The following HAUS6 variants were observed in gnomAD, a reference collection of about 807,000 sequenced individuals.
The protein encoded by HAUS6 is HAUS augmin like complex subunit 6.
HAUS6 carries 80 observed loss-of-function variants against 106.8 expected under a neutral mutation model. The observed-to-expected ratio is 0.75, with a 90% CI of 0.63 to 0.90. The LOEUF is 0.90. HAUS6 is among the 40% of genes least tolerant of loss of function. The pLI, the probability that HAUS6 is intolerant of heterozygous loss-of-function variation, is 0.00. For synonymous variants in HAUS6, 356 were observed against 379.1 expected (o/e 0.94, Z 0.71); for missense variants, 1,155 against 1,118.1 (o/e 1.03, Z -0.47).
chr9:19,093,246 C>G lies in HAUS6; in HGVS notation c.361G>C (p.Gly121Arg). 6.2e-7 allele frequency: 1 copy of G among 1,609,854 alleles called. No homozygotes were observed. Among genetic ancestry groups the G allele is most frequent in the Non-Finnish European group, 8.5e-7 (1 of 1,177,224 alleles). The part of the protein sequence containing the change: ...VVGSLFLSPG[G>R]PKFIHLMYHF... ...TACATCAGATGAATAAACTTAGGAC[C>G]ACCAGGAGAAAGAAATAGTGAACCA... Residue 121 changes from glycine to arginine, a missense_variant, in exon 4 of 17, where the codon GGT (glycine) becomes CGT (arginine). Transcript: ENST00000380502.
At chr9:19,066,826 T>C (rs1836768799) in intron 12 of HAUS6, among the ~76,000 whole-genome samples, 2 of 107,566 alleles carry the variant, frequency 1.9e-5, no homozygotes, top group Admixed American at 1.0e-4. Context: ...AGACCTCATC[T>C]CTACAAAAAA....
At chr9:19,090,768 A>G (rs1412864784) in intron 4 of HAUS6, among the ~76,000 whole-genome samples, 1 of 152,230 alleles carries the variant, frequency 6.6e-6, no homozygotes, top group Non-Finnish European at 1.5e-5. Flanking sequence ...TAAGACCAAT[A>G]GGACAGGATA....
rs142463837 is a variant in HAUS6 at position 19,087,634 on chromosome 9, G to A, written c.585-478C>T. On this transcript the variant is annotated intron_variant, in intron 5 of 16. Coordinates refer to ENST00000380502, the MANE Select transcript of HAUS6 (RefSeq NM_017645.5). ...TTTTGGGAGGCTGAGGCAGGAATGT[G>A]GCTTCAGGCCAGGAGTTTGAGACCA... is the stretch of plus-strand genomic sequence containing the variant. Among the ~76,000 whole-genome samples the A allele has an allele frequency of 2.4e-3, 369 of 151,750 alleles. 1 individual carries two copies. Among genetic ancestry groups the A allele is most frequent in the African/African-American group, 8.6e-3 (355 of 41,396 alleles).
rs41269011 is a variant in HAUS6, at chr9:19,093,289, A to G, written c.318T>C (p.Ser106=). Residue 106 remains serine, a synonymous_variant, in exon 4 of 17, where the codon AGT becomes AGC. Transcript: ENST00000380502. The part of the protein sequence containing the change: ...WIKRISGECG[S]SFPQVVGSLF... ...GTGAACCAACAACTTGAGGAAAGCT[A>G]CTTCCACATTCACCCTATGAAGAAA... The G allele has an allele frequency of 0.14, 222,993 of 1,602,644 alleles. 15,931 individuals are homozygous for G. The highest frequency in any genetic ancestry group is 0.19 in the Admixed American group (10,976 of 58,050).
intron 11 of HAUS6, 140 bp downstream of exon 11, chr9:19,076,462 G>A (rs1440707583): frequency 1.5e-6 from 1 of 652,462 alleles, no homozygotes. Context: ...AACTGAAATT[G>A]TGAATTTTAT....
chr9:19,062,605 T>C (rs754960828), intron 14 of HAUS6, among the ~76,000 whole-genome samples: 4 of 152,174 alleles, frequency 2.6e-5, no homozygotes, highest in Non-Finnish European at 5.9e-5. Context: ...TTACCCGAGG[T>C]AATCAATAAT....
chr9:19,067,476 C>T lies in HAUS6; in HGVS notation c.1376+2743G>A, dbSNP rs557381031. Among the ~76,000 whole-genome samples, 5 of 152,252 alleles carry T rather than the reference C, an allele frequency of 3.3e-5. No homozygotes were observed. In the South Asian group the frequency reaches 1.0e-3, roughly 32 times the overall value. ...CTCACCACCAGGCCTTCCCCTACCT[C>T]CCTTCAGTATTTCAAATCTATAATT... On this transcript the variant is annotated intron_variant, in intron 12 of 16. Coordinates refer to ENST00000380502, the MANE Select transcript of HAUS6 (RefSeq NM_017645.5).
chr9:19,065,741 T>C (rs1426330987), intron 12 of HAUS6, among the ~76,000 whole-genome samples: 1 of 151,864 alleles, frequency 6.6e-6, no homozygotes, highest in African/African-American at 2.4e-5. Flanking sequence ...CTCGGGAGGC[T>C]GAAGCAAGAG....
intron 5 of HAUS6, among the ~76,000 whole-genome samples, chr9:19,087,973 A>G (rs1261300647): frequency 2.0e-5 from 3 of 152,174 alleles, no homozygotes; most frequent in African/African-American, 7.2e-5. Context: ...TATCTGACAC[A>G]TAGAAGAAAC....
chr9:19,080,666 T>C lies in HAUS6; in HGVS notation c.877A>G (p.Ile293Val), dbSNP rs771245869. 4 of 1,598,606 alleles carry C rather than the reference T, an allele frequency of 2.5e-6. No homozygotes were observed. The highest frequency in any genetic ancestry group is 2.2e-5 in the East Asian group (1 of 44,750). Reference protein sequence around the residue: ...KIEKQMFQLHIGNVYEAGKLN... With the variant: ...KIEKQMFQLHVGNVYEAGKLN... ...TTTCCAGCCTCATAAACATTTCCTA[T>C]GTGCAACTAAGGAATCAGGAGGAGA... Residue 293 changes from isoleucine (I) to valine (V), a missense_variant, in exon 9 of 17, where the codon ATA becomes GTA. Ile to Val is a conservative substitution (Grantham distance 29). Transcript: ENST00000380502.
intron 1 of HAUS6, among the ~76,000 whole-genome samples, chr9:19,100,062 G>A (rs140313322): frequency 0.013 from 1,950 of 152,354 alleles, 31 homozygotes; most frequent in African/African-American, 0.037. Context: ...AGGCGTGGTG[G>A]CAGGCGCCTG....
rs1836407697 is a variant in HAUS6, at chr9:19,053,678, CAA to C, written c.*2663_*2664del. 6.6e-6 allele frequency: 1 copy of C among 152,130 alleles called. No individual in the cohort carries two copies. The highest frequency in any genetic ancestry group is 6.6e-5 in the Admixed American group (1 of 15,264). 9.4% of individuals were successfully genotyped at this position (152,130 alleles called of 1,614,324 possible). On this transcript the variant is annotated 3_prime_UTR_variant, in exon 17 of 17. Coordinates refer to ENST00000380502, the MANE Select transcript of HAUS6 (RefSeq NM_017645.5). ...TCAGTTTATATACCTTTGTATCTTA[CAA>C]ATAGTAAAACAAAGTACATTCTATA...
intron 7 of HAUS6, among the ~76,000 whole-genome samples, chr9:19,085,767 C>T (rs1479772562): frequency 6.6e-6 from 1 of 152,118 alleles, no homozygotes; most frequent in African/African-American, 2.4e-5. Flanking sequence ...CTTAACATCT[C>T]CCTTCAGTTA....
chr9:19,093,371 TATTTTTG>T, intron 3 of HAUS6, 68 bp from the exon 4 acceptor site: 1 of 1,337,332 alleles, frequency 7.5e-7, no homozygotes, highest in Non-Finnish European at 1.1e-6. Context: ...TACATCACAC[TATTTTTG>T]TTAAAGGGTG....
At chr9:19,096,042 G>T (rs181682149) in intron 2 of HAUS6, among the ~76,000 whole-genome samples, 28 of 152,224 alleles carry the variant, frequency 1.8e-4, no homozygotes, top group Admixed American at 1.5e-3. Context: ...CATACGGATT[G>T]ATATCATTTA....
rs567766212 is a variant in HAUS6 at position 19,065,417 on chromosome 9, T to C, written c.1377-1837A>G. ...CTTTTTATAGTAGTAAAAAATAAAATTGAGAGAAAATTCAAGTCTACAAAT... is the reference window on the plus strand; with the variant it reads ...CTTTTTATAGTAGTAAAAAATAAAACTGAGAGAAAATTCAAGTCTACAAAT... On this transcript the variant is annotated intron_variant, in intron 12 of 16. Transcript: ENST00000380502. Among the ~76,000 whole-genome samples, 19 of 152,202 alleles carry C rather than the reference T, an allele frequency of 1.2e-4. No homozygotes were observed. In the East Asian group the frequency reaches 3.1e-3, roughly 25 times the overall value.
chr9:19,082,779 A>G (rs1162228303), intron 8 of HAUS6, 94 bp downstream of exon 8: 2 of 730,694 alleles, frequency 2.7e-6, no homozygotes, highest in Non-Finnish European at 4.1e-6. Context: ...CAAAAAACAA[A>G]AAACAAATTC....
chr9:19,061,417 A>G (rs1836616112), intron 14 of HAUS6, among the ~76,000 whole-genome samples: 1 of 152,214 alleles, frequency 6.6e-6, no homozygotes, highest in Admixed American at 6.5e-5. Context: ...CAAAATTAGG[A>G]AAGTAAAAAA....
At chr9:19,076,769 G>C (rs752036202) in intron 10 of HAUS6, 65 bp from the exon 11 acceptor site, 10 of 741,012 alleles carry the variant, frequency 1.3e-5, no homozygotes, top group Non-Finnish European at 2.4e-5. Context: ...TAACAATACT[G>C]AGTTAATCTA....
Sources: gnomAD v4.1 joint callset for allele counts (sites outside exome capture counted in the v4.1 genomes callset) on GRCh38, gnomAD v4.1.1 for gene constraint, MANE v1.5 for transcripts, NCBI Gene and HGNC (gene_info 2026-07-23, HGNC 2026-07-21) for gene names.